DRC7: variants seen among roughly 807,000 people sequenced by gnomAD.
The protein encoded by DRC7 is coiled-coil domain containing 135.
DRC7 carries 80 observed loss-of-function variants against 104.4 expected under a neutral mutation model. The observed-to-expected ratio is 0.77, with a 90% CI of 0.64 to 0.92. The LOEUF (loss-of-function observed/expected upper bound fraction) is 0.92, where lower values mean the gene tolerates loss of function less well. DRC7 is among the 40% of genes least tolerant of loss of function. The probability of loss-of-function intolerance (pLI) is 0.00; values close to 1 mark genes in which losing one functional copy is unlikely to be tolerated. For missense variants in DRC7, 1,034 were observed against 1,141.1 expected, an observed-to-expected ratio of 0.91 and a Z score of 1.35; for synonymous variants, 405 against 447.3, an observed-to-expected ratio of 0.91 and a Z score of 1.19.
At chr16:57,715,999 A>G (rs1324391942) in intron 8 of DRC7, among the ~76,000 whole-genome samples, 1 of 152,220 alleles carries the variant, frequency 6.6e-6, no homozygotes, top group Non-Finnish European at 1.5e-5. Flanking sequence ...TTCTTCAAAG[A>G]ACCTTGAAAT....
At chr16:57,702,262 A>C in intron 6 of DRC7, 132 bp downstream of exon 6, 1 of 822,498 alleles carries the variant, frequency 1.2e-6, no homozygotes, top group Non-Finnish European at 1.9e-6. Flanking sequence ...ATCCCTCACC[A>C]CCAGCCCTTC....
intron 8 of DRC7, among the ~76,000 whole-genome samples, chr16:57,716,861 C>T (rs2048848714): frequency 6.6e-6 from 1 of 152,138 alleles, no homozygotes; most frequent in African/African-American, 2.4e-5. Context: ...ATGTGAGGTG[C>T]TCCCCACCTT....
At chr16:57,704,009 G>C (rs561608293) in intron 6 of DRC7, among the ~76,000 whole-genome samples, 1 of 148,154 alleles carries the variant, frequency 6.7e-6, no homozygotes, top group Non-Finnish European at 1.5e-5. Context: ...GCTCCCACCC[G>C]GGCATCTCAG....
At chr16:57,709,395 A>C (rs1446841181) in intron 8 of DRC7, among the ~76,000 whole-genome samples, 1 of 152,194 alleles carries the variant, frequency 6.6e-6, no homozygotes, top group African/African-American at 2.4e-5. Context: ...TCCTTGTCTC[A>C]GTCCTGATTC....
At position 57,722,331 on chromosome 16, in the gene DRC7, G is replaced by A. The variant is rs1042000828; in HGVS notation, c.1280-382G>A. Among the ~76,000 whole-genome samples the A allele has an allele frequency of 9.8e-5, 15 of 152,318 alleles. No individual in the cohort carries two copies. In the East Asian group the frequency reaches 2.3e-3, roughly 24 times the overall value. ...TGAGCAGAAAGGGGTACCAGAAGTA[G>A]GCTAGGGGTCACCTGGGTGAAGTTT... On this transcript the variant is annotated intron_variant, in intron 10 of 18. Coordinates refer to ENST00000360716, the MANE Select transcript of DRC7 (RefSeq NM_001289162.2).
intron 5 of DRC7, among the ~76,000 whole-genome samples, chr16:57,700,933 C>T (rs2048651135): frequency 6.6e-6 from 1 of 152,096 alleles, no homozygotes; most frequent in Admixed American, 6.6e-5. Flanking sequence ...TATTGCAACC[C>T]ACAATGCATT....
intron 5 of DRC7, among the ~76,000 whole-genome samples, chr16:57,700,705 G>A (rs905595681): frequency 9.4e-5 from 14 of 149,524 alleles, no homozygotes; most frequent in East Asian, 3.9e-4. Context: ...GGAGAACAGC[G>A]AAAGTGAGAC....
chr16:57,697,807 C>T (rs1030895249), intron 2 of DRC7, 106 bp from the exon 3 acceptor site: 2 of 1,277,130 alleles, frequency 1.6e-6, no homozygotes, highest in South Asian at 2.9e-5. Flanking sequence ...GTGTTCGACA[C>T]CTCCTCAAAA....
chr16:57,703,079 A>G (rs796887635), intron 6 of DRC7, among the ~76,000 whole-genome samples: 2 of 151,236 alleles, frequency 1.3e-5, no homozygotes, highest in East Asian at 3.9e-4. Context: ...GGTTCTCACT[A>G]TGTTGTCCAG....
chr16:57,730,277 A>G (rs1449752017), intron 17 of DRC7, among the ~76,000 whole-genome samples: 1 of 92,688 alleles, frequency 1.1e-5, no homozygotes, highest in African/African-American at 4.2e-5. Context: ...GGGTGGATGG[A>G]TGAGTGGGTG....
intron 8 of DRC7, 146 bp downstream of exon 8, chr16:57,707,824 G>A: frequency 2.9e-6 from 2 of 680,876 alleles, no homozygotes; most frequent in Admixed American, 4.3e-5. Flanking sequence ...CGTCTCCATG[G>A]CCCACTCCCT....
In DRC7 at chr16:57,723,121, G is replaced by C. The variant is rs761994031; in HGVS notation, c.1528G>C (p.Ala510Pro). 15 of 1,613,626 alleles carry C rather than the reference G, an allele frequency of 9.3e-6. No individual in the cohort carries two copies. The East Asian group carries it at 3.1e-4, about 34-fold the overall frequency. The change falls in exon 12 of 19, where the codon GCT becomes CCT. Residue 510 changes from alanine to proline, a missense_variant. Transcript: ENST00000360716. ...TDYFKPGHPQALRVHSYKSMQ... is the reference protein window; with the variant it reads ...TDYFKPGHPQPLRVHSYKSMQ... ...CTACTTCAAGCCTGGCCACCCCCAG[G>C]CTCTGCGCGGTGCGTGGCTCCCCTT...
intron 12 of DRC7, among the ~76,000 whole-genome samples, chr16:57,723,705 G>A (rs1567885963): frequency 6.6e-6 from 1 of 151,560 alleles, no homozygotes; most frequent in Non-Finnish European, 1.5e-5. Context: ...TCCAGCCTGG[G>A]TGACAGATAG....
chr16:57,707,119 G>A (rs2048740434), intron 7 of DRC7, among the ~76,000 whole-genome samples: 1 of 152,182 alleles, frequency 6.6e-6, no homozygotes, highest in Non-Finnish European at 1.5e-5. Context: ...CTCAGAGGGA[G>A]GCAGATAAGA....
At chr16:57,725,952 A>G (rs1374822703) in intron 13 of DRC7, 116 bp from the exon 14 acceptor site, 25 of 895,790 alleles carry the variant, frequency 2.8e-5, no homozygotes, top group Admixed American at 1.3e-4. Context: ...TGAATCGCCA[A>G]ACGACCCCAG....
At position 57,726,292 on chromosome 16, in the gene DRC7, G is replaced by C. The variant is rs757725564; in HGVS notation, c.1974+9G>C. 1.2e-6 allele frequency: 2 copies of C among 1,603,482 alleles called. No individual in the cohort carries two copies. Among genetic ancestry groups the C allele is most frequent in the East Asian group, 4.5e-5 (2 of 44,632 alleles). ...TGTGCATCAGCTTCGAGGTGGGCCT[G>C]GGGGCCACGGCGGGCAGGGGTCGGC... On this transcript the variant is annotated intron_variant, in intron 14 of 18. Coordinates refer to ENST00000360716, the MANE Select transcript of DRC7 (RefSeq NM_001289162.2).
chr16:57,721,530 C>T, intron 9 of DRC7, 137 bp from the exon 10 acceptor site: 1 of 663,272 alleles, frequency 1.5e-6, no homozygotes, highest in Non-Finnish European at 2.7e-6. Context: ...GGGTCGTGCT[C>T]ATGACCTCCA....
At position 57,702,031 on chromosome 16, in the gene DRC7, TGG is replaced by T; in HGVS notation, c.601_602del (p.Gly201LeufsTer2). 1 of 1,614,244 alleles carries T rather than the reference TGG, an allele frequency of 6.2e-7. No homozygotes were observed. The highest frequency in any genetic ancestry group is 8.5e-7 in the Non-Finnish European group (1 of 1,180,044). ...TLLCSMLIGS[G>X]YDAYCVNGYG... Reference sequence around the variant, plus strand: ...TGCTCTGCTCCATGCTTATCGGCTCTGGCTATGATGCTTACTGCGTCAACGGC... The same window carrying T: ...TGCTCTGCTCCATGCTTATCGGCTCTCTATGATGCTTACTGCGTCAACGGC... On this transcript the variant is annotated frameshift_variant, in exon 6 of 19. Transcript: ENST00000360716. LOFTEE classifies it high-confidence loss of function.
chr16:57,729,102 G>T (rs1317106409), intron 17 of DRC7, among the ~76,000 whole-genome samples: 1 of 146,700 alleles, frequency 6.8e-6, no homozygotes, highest in African/African-American at 2.6e-5. Context: ...GGATGGATGA[G>T]TGGGTGGATG....
Sources: gnomAD v4.1 joint callset for allele counts (sites outside exome capture counted in the v4.1 genomes callset) on GRCh38, gnomAD v4.1.1 for gene constraint, MANE v1.5 for transcripts, NCBI Gene and HGNC (gene_info 2026-07-23, HGNC 2026-07-21) for gene names.